PTGER3: variants seen among roughly 807,000 people sequenced by gnomAD.
The protein encoded by PTGER3 is prostaglandin E2 receptor EP3 subtype.
A neutral mutation model predicts 34.7 loss-of-function variants in PTGER3; 22 were observed. The observed-to-expected ratio is 0.63, with a 90% CI of 0.45 to 0.91. PTGER3 has a LOEUF of 0.91. Among genes scored for constraint, PTGER3 ranks in the 40% least tolerant of loss-of-function variants. The pLI, the probability that PTGER3 is intolerant of heterozygous loss-of-function variation, is 0.00. For missense variants in PTGER3, 468 were observed against 519.4 expected (o/e 0.90, Z 0.96); for synonymous variants, 241 against 230.1 (o/e 1.05, Z -0.43).
intron 4 of PTGER3, among the ~76,000 whole-genome samples, chr1:70,932,423 GT>G (rs1648797892): frequency 6.6e-6 from 1 of 152,054 alleles, no homozygotes; most frequent in Non-Finnish European, 1.5e-5. Flanking sequence ...CCAATTTACT[GT>G]ATTAGTCCAT....
At chr1:70,977,331 A>C (rs1191905199) in intron 2 of PTGER3, among the ~76,000 whole-genome samples, 1 of 152,080 alleles carries the variant, frequency 6.6e-6, no homozygotes, top group Non-Finnish European at 1.5e-5. Flanking sequence ...TGATGCCTGT[A>C]TTCACAGAGC....
intron 4 of PTGER3, among the ~76,000 whole-genome samples, chr1:70,894,308 TCAAAAAA>T (rs1646680766): frequency 6.8e-5 from 1 of 14,646 alleles, no homozygotes; most frequent in African/African-American, 1.8e-4. Context: ...AAACTCCATC[TCAAAAAA>T]AAAAAAAAAA....
At chr1:70,985,235 T>C in intron 2 of PTGER3, among the ~76,000 whole-genome samples, 1 of 152,100 alleles carries the variant, frequency 6.6e-6, no homozygotes, top group Non-Finnish European at 1.5e-5. Context: ...ACAAGCTCTT[T>C]AGTACACAGG....
intron 4 of PTGER3, among the ~76,000 whole-genome samples, chr1:70,936,801 T>G (rs555983539): frequency 1.3e-5 from 2 of 152,310 alleles, no homozygotes; most frequent in South Asian, 4.1e-4. Context: ...ACTCCCCAAG[T>G]ATATCTACTT....
At chr1:71,006,809 G>C in intron 2 of PTGER3, 1 of 985,352 alleles carries the variant, frequency 1.0e-6, no homozygotes, top group African/African-American at 1.7e-5. Context: ...CATAGTTATA[G>C]GTAAAGTATT....
At chr1:70,972,468 G>A (rs1441699979) in intron 3 of PTGER3, among the ~76,000 whole-genome samples, 1 of 151,968 alleles carries the variant, frequency 6.6e-6, no homozygotes, top group Non-Finnish European at 1.5e-5. Context: ...CTGTCTACAT[G>A]TATCTTTAAA....
At chr1:70,993,189 G>T (rs1655624819) in intron 2 of PTGER3, among the ~76,000 whole-genome samples, 1 of 152,092 alleles carries the variant, frequency 6.6e-6, no homozygotes, top group South Asian at 2.1e-4. Context: ...TAAACCATTT[G>T]TTTTTCAGTA....
At chr1:70,911,240 A>G (rs536953005) in intron 4 of PTGER3, among the ~76,000 whole-genome samples, 2 of 151,390 alleles carry the variant, frequency 1.3e-5, no homozygotes, top group East Asian at 1.9e-4. Context: ...CAAACATACT[A>G]GATTGGAGAC....
chr1:70,925,454 C>A (rs1473670211), intron 4 of PTGER3, among the ~76,000 whole-genome samples: 1 of 152,038 alleles, frequency 6.6e-6, no homozygotes, highest in Non-Finnish European at 1.5e-5. Context: ...ACAAGTGTAA[C>A]AAGATGATAT....
chr1:70,955,478 A>G (rs1651224631), intron 2 of PTGER3, among the ~76,000 whole-genome samples: 1 of 152,168 alleles, frequency 6.6e-6, no homozygotes, highest in South Asian at 2.1e-4. Context: ...AAAGCGAGAA[A>G]CAGAGAAGAA....
At chr1:71,002,603 C>T (rs1557730400) in intron 2 of PTGER3, among the ~76,000 whole-genome samples, 1 of 152,160 alleles carries the variant, frequency 6.6e-6, no homozygotes, top group South Asian at 2.1e-4. Context: ...ATATTCAAAA[C>T]GGTCATGGTG....
At chr1:71,037,815 C>A (rs1289786510) in intron 1 of PTGER3, among the ~76,000 whole-genome samples, 3 of 152,204 alleles carry the variant, frequency 2.0e-5, no homozygotes, top group South Asian at 2.1e-4. Flanking sequence ...CTCTGTGGCA[C>A]TCACTTGCTT....
intron 2 of PTGER3, chr1:71,011,386 G>T (rs996470712): frequency 2.0e-6 from 2 of 985,038 alleles, no homozygotes. Context: ...AACACTTTTG[G>T]TGAATAATCA....
rs1417485371 is a variant in PTGER3 at position 70,903,286 on chromosome 1, G to A, written c.*24-50427C>T. ...AGGCTTCTGGTCTCCAGAACTGGAA[G>A]AAAATAGTTTTGGGTAGTTTTAAGT... On this transcript the variant is annotated intron_variant, in intron 4 of 4. Coordinates refer to the PTGER3 transcript ENST00000370931. Among the ~76,000 whole-genome samples, 4 of 152,172 alleles carry A rather than the reference G, an allele frequency of 2.6e-5. No homozygotes were observed. In the East Asian group the frequency reaches 7.7e-4, roughly 29 times the overall value.
chr1:70,957,120 A>G (rs558511510), intron 2 of PTGER3, among the ~76,000 whole-genome samples: 1 of 152,344 alleles, frequency 6.6e-6, no homozygotes, highest in South Asian at 2.1e-4. Context: ...CAACAGTGAG[A>G]CAACTATTAA....
At chr1:70,862,483 A>G (rs1205561374) in intron 4 of PTGER3, 1 of 788,336 alleles carries the variant, frequency 1.3e-6, no homozygotes, top group African/African-American at 1.8e-5. Flanking sequence ...TAATTTGGAT[A>G]TGGTGTAATG....
intron 4 of PTGER3, among the ~76,000 whole-genome samples, chr1:70,900,532 T>C (rs918099697): frequency 7.8e-5 from 11 of 141,404 alleles, no homozygotes; most frequent in African/African-American, 2.0e-4. Context: ...GTTATATTAA[T>C]ATACAAATGA....
At chr1:70,875,141 C>G (rs980548510) in intron 4 of PTGER3, among the ~76,000 whole-genome samples, 31 of 152,254 alleles carry the variant, frequency 2.0e-4, no homozygotes, top group African/African-American at 7.5e-4. Flanking sequence ...GCAAAAAGTC[C>G]TTGGAGACTG....
chr1:70,959,753 C>CT (rs1355910881), intron 2 of PTGER3, among the ~76,000 whole-genome samples: 3 of 152,202 alleles, frequency 2.0e-5, no homozygotes, highest in African/African-American at 7.2e-5. Flanking sequence ...TTTTTAAACA[C>CT]TTTAAGTCCC....
Sources: allele counts gnomAD v4.1 joint callset (sites outside exome capture counted in the v4.1 genomes callset), GRCh38; gene constraint gnomAD v4.1.1; transcripts MANE v1.5; gene names NCBI Gene and HGNC (gene_info 2026-07-23, HGNC 2026-07-21).